SLC25A21: variants seen among roughly 807,000 people sequenced by gnomAD.
The protein encoded by SLC25A21 is mitochondrial 2-oxodicarboxylate carrier.
SLC25A21 carries 47 observed loss-of-function variants against 43.8 expected under a neutral mutation model. The observed-to-expected ratio is 1.07, with a 90% CI of 0.85 to 1.37. The LOEUF (loss-of-function observed/expected upper bound fraction) is 1.37. SLC25A21 is among the 40% of genes most tolerant of loss of function. SLC25A21 has a pLI of 0.00. For missense variants in SLC25A21, 352 were observed against 350.2 expected (o/e 1.00, Z -0.04); for synonymous variants, 131 against 121.3 (o/e 1.08, Z -0.52).
At chr14:36,691,902 T>C (rs1464318579) in intron 7 of SLC25A21, among the ~76,000 whole-genome samples, 1 of 152,218 alleles carries the variant, frequency 6.6e-6, no homozygotes, top group African/African-American at 2.4e-5. Context: ...TATTAATGAA[T>C]ATTGCATGCA....
chr14:36,937,664 C>T (rs576369587), intron 1 of SLC25A21, among the ~76,000 whole-genome samples: 6 of 152,198 alleles, frequency 3.9e-5, no homozygotes, highest in South Asian at 2.1e-4. Flanking sequence ...AAACAAAGAT[C>T]GGATAGCATT....
chr14:37,066,818 A>G (rs1348442785), intron 1 of SLC25A21, among the ~76,000 whole-genome samples: 1 of 152,210 alleles, frequency 6.6e-6, no homozygotes, highest in Non-Finnish European at 1.5e-5. Context: ...TTGATAATAG[A>G]TGTACCTGAA....
chr14:36,821,642 C>A (rs1287829154), intron 2 of SLC25A21, among the ~76,000 whole-genome samples: 2 of 152,028 alleles, frequency 1.3e-5, no homozygotes, highest in Non-Finnish European at 2.9e-5. Flanking sequence ...CATGGTGAAA[C>A]TCTATCTCTA....
chr14:37,037,424 T>C (rs1428311866), intron 1 of SLC25A21, among the ~76,000 whole-genome samples: 2 of 152,190 alleles, frequency 1.3e-5, no homozygotes, highest in Non-Finnish European at 2.9e-5. Flanking sequence ...ATTCTGAGTT[T>C]CACCTGAATC....
At chr14:37,063,580 T>G (rs1464477667) in intron 1 of SLC25A21, among the ~76,000 whole-genome samples, 2 of 151,286 alleles carry the variant, frequency 1.3e-5, no homozygotes, top group East Asian at 3.9e-4. Flanking sequence ...ACAACTGAGG[T>G]GCATGTTGTG....
intron 6 of SLC25A21, among the ~76,000 whole-genome samples, chr14:36,718,579 ACT>A (rs1884244515): frequency 6.6e-6 from 1 of 152,184 alleles, no homozygotes; most frequent in South Asian, 2.1e-4. Flanking sequence ...CATAAAGTTG[ACT>A]CTATGTAATA....
rs955483080 is a variant in SLC25A21 at position 36,779,442 on chromosome 14, A to T, written c.203+34476T>A. 5.9e-5 allele frequency among the ~76,000 whole-genome samples: 8 copies of T among 135,810 alleles called. No homozygotes were observed. In the East Asian group the frequency reaches 1.1e-3, roughly 18 times the overall value. 89.1% of individuals were successfully genotyped at this position (135,810 alleles called of 152,430 possible). A position where few individuals can be genotyped will look rare whatever the true frequency, so the allele number is the denominator to read the frequency against. ...ATATAAAGAATATTATCCAGGCTTTAAAAAAAAGAAGGAATTATATATATA... is the reference window on the plus strand; with the variant it reads ...ATATAAAGAATATTATCCAGGCTTTTAAAAAAAGAAGGAATTATATATATA... On this transcript the variant is annotated intron_variant, in intron 3 of 9. Coordinates refer to ENST00000331299, the MANE Select transcript of SLC25A21 (RefSeq NM_030631.4).
chr14:36,841,985 C>T (rs1315754633), intron 2 of SLC25A21, among the ~76,000 whole-genome samples: 2 of 152,106 alleles, frequency 1.3e-5, no homozygotes, highest in African/African-American at 2.4e-5. Context: ...GATTTTGGTC[C>T]CCTTGCTTCT....
chr14:36,986,084 A>C (rs1960138826), intron 1 of SLC25A21, among the ~76,000 whole-genome samples: 1 of 152,198 alleles, frequency 6.6e-6, no homozygotes, highest in Non-Finnish European at 1.5e-5. Context: ...GGTATTTAGA[A>C]ATCAAGATTT....
At chr14:37,088,865 T>G (rs1962531848) in intron 1 of SLC25A21, among the ~76,000 whole-genome samples, 1 of 152,228 alleles carries the variant, frequency 6.6e-6, no homozygotes. Context: ...CATTATTTCT[T>G]TCTTACTCTC....
intron 1 of SLC25A21, among the ~76,000 whole-genome samples, chr14:36,893,337 T>TA (rs764150541): frequency 5.6e-4 from 85 of 152,382 alleles, no homozygotes; most frequent in Non-Finnish European, 1.1e-3. Context: ...GTTGGCTGCA[T>TA]AAAAGTCTTC....
At chr14:36,690,486 A>G (rs1016093646) in intron 7 of SLC25A21, among the ~76,000 whole-genome samples, 2 of 152,168 alleles carry the variant, frequency 1.3e-5, no homozygotes, top group African/African-American at 4.8e-5. Flanking sequence ...CTGACTCCCA[A>G]GCCTATGTTT....
chr14:36,708,957 C>T (rs1259149447), intron 7 of SLC25A21, among the ~76,000 whole-genome samples: 1 of 151,460 alleles, frequency 6.6e-6, no homozygotes, highest in Admixed American at 6.6e-5. Context: ...AAAGTTTGTG[C>T]TTGTGGATTT....
intron 2 of SLC25A21, among the ~76,000 whole-genome samples, chr14:36,829,377 CTTCCTCAGGCTTGCTGGT>C (rs1224746768): frequency 6.6e-6 from 1 of 152,172 alleles, no homozygotes; most frequent in African/African-American, 2.4e-5. Flanking sequence ...TCCCGCAAGG[CTTCCTCAGGCTTGCTGGT>C]TCTGTCAACA....
At chr14:36,836,963 A>G (rs965729771) in intron 2 of SLC25A21, among the ~76,000 whole-genome samples, 2 of 152,188 alleles carry the variant, frequency 1.3e-5, no homozygotes, top group African/African-American at 4.8e-5. Context: ...CTTAGAAAAG[A>G]GACCGGATAC....
chr14:36,721,430 C>T (rs1884369639), intron 6 of SLC25A21, among the ~76,000 whole-genome samples: 1 of 152,186 alleles, frequency 6.6e-6, no homozygotes, highest in Non-Finnish European at 1.5e-5. Flanking sequence ...AACCACTACA[C>T]AGATGCCTTG....
At position 36,993,005 on chromosome 14, in the gene SLC25A21, A is replaced by G. The variant is rs754075535; in HGVS notation, c.71-118001T>C. ...AGCTCAATCAAGGCAGCAATTATCT[A>G]ATTACTCACTTATGCTTTTCCAGCC... On this transcript the variant is annotated intron_variant, in intron 1 of 9. Coordinates refer to ENST00000331299, the MANE Select transcript of SLC25A21 (RefSeq NM_030631.4). Among the ~76,000 whole-genome samples the G allele has an allele frequency of 2.5e-4, 38 of 152,298 alleles. No homozygotes were observed. The Middle Eastern group carries it at 0.014, about 55-fold the overall frequency.
At chr14:36,886,995 A>T (rs1890936063) in intron 1 of SLC25A21, among the ~76,000 whole-genome samples, 1 of 152,128 alleles carries the variant, frequency 6.6e-6, no homozygotes, top group African/African-American at 2.4e-5. Context: ...CCAGGGGGAA[A>T]ATAAGGTGTG....
At chr14:36,937,758 C>T (rs1326186080) in intron 1 of SLC25A21, among the ~76,000 whole-genome samples, 1 of 152,096 alleles carries the variant, frequency 6.6e-6, no homozygotes, top group Middle Eastern at 3.2e-3. Flanking sequence ...GAAGCCATCC[C>T]CACAGAGGAC....
Sources: gnomAD v4.1 joint callset for allele counts (sites outside exome capture counted in the v4.1 genomes callset) on GRCh38, gnomAD v4.1.1 for gene constraint, MANE v1.5 for transcripts, NCBI Gene and HGNC (gene_info 2026-07-23, HGNC 2026-07-21) for gene names.